The following RIMS1 variants were observed in gnomAD, a reference collection of about 807,000 sequenced individuals.
RIMS1 encodes the protein regulating synaptic membrane exocytosis protein 1.
In RIMS1, 83 loss-of-function variants were observed where a neutral mutation model predicts 214.1. That is an observed-to-expected ratio of 0.39 (90% CI 0.32 to 0.47). The LOEUF is 0.47. RIMS1 is among the 20% of genes least tolerant of loss of function. The pLI is 0.99. For missense variants in RIMS1, 2,050 were observed against 2,161.8 expected (o/e 0.95, Z 1.03); for synonymous variants, 793 against 786.8 (o/e 1.01, Z -0.13).
intron 6 of RIMS1, among the ~76,000 whole-genome samples, chr6:72,190,535 C>T (rs1000106319): frequency 2.7e-5 from 4 of 150,878 alleles, no homozygotes; most frequent in African/African-American, 7.3e-5. Flanking sequence ...TGGAGCTGTC[C>T]GCCTTCATTT....
intron 4 of RIMS1, among the ~76,000 whole-genome samples, chr6:72,139,120 G>A (rs2041768303): frequency 6.6e-6 from 1 of 152,106 alleles, no homozygotes; most frequent in Non-Finnish European, 1.5e-5. Context: ...GTGTCTGTGT[G>A]TGTGTGTATG....
rs1346786039 is a variant in RIMS1, at chr6:72,159,174, C to T, written c.472-20401C>T. 4.3e-5 allele frequency among the ~76,000 whole-genome samples: 6 copies of T among 141,036 alleles called. 1 individual carries two copies. The highest frequency in any genetic ancestry group is 9.7e-5 in the Non-Finnish European group (6 of 61,990). 92.5% of individuals were successfully genotyped at this position (141,036 alleles called of 152,430 possible). A position where few individuals can be genotyped will look rare whatever the true frequency, so the allele number is the denominator to read the frequency against. ...TGATGTTGAGCATTTTTTCATGTGTCTTTTGGCTGCATAAATGTCTTCTTT... is the reference window on the plus strand; with the variant it reads ...TGATGTTGAGCATTTTTTCATGTGTTTTTTGGCTGCATAAATGTCTTCTTT... On this transcript the variant is annotated intron_variant, in intron 4 of 33. Coordinates refer to ENST00000521978, the MANE Select transcript of RIMS1 (RefSeq NM_014989.7).
Position 72,275,214 on chromosome 6 carries a change from C to T in RIMS1, c.3482+782C>T, listed in dbSNP as rs563633009. Among the ~76,000 whole-genome samples, 34 of 139,556 alleles carry T rather than the reference C, an allele frequency of 2.4e-4. 1 individual carries two copies. The highest frequency in any genetic ancestry group is 6.7e-4 in the African/African-American group (25 of 37,496). 91.6% of individuals were successfully genotyped at this position (139,556 alleles called of 152,430 possible). On this transcript the variant is annotated intron_variant, in intron 23 of 33. Transcript: ENST00000521978. ...CTTTAAATGTGTTTTCCTGACTGGT[C>T]ACAAAGGTTTTTGGGTGTTTGAGAT...
intron 1 of RIMS1, among the ~76,000 whole-genome samples, chr6:71,955,171 C>T (rs972706979): frequency 7.9e-5 from 12 of 151,578 alleles, no homozygotes; most frequent in Non-Finnish European, 1.5e-4. Flanking sequence ...ATTCTATGGA[C>T]ATTTTTTTTT....
At chr6:72,384,870 T>G (rs2098557246) in intron 29 of RIMS1, among the ~76,000 whole-genome samples, 1 of 152,208 alleles carries the variant, frequency 6.6e-6, no homozygotes, top group African/African-American at 2.4e-5. Context: ...TCTTGGTGAT[T>G]AATGAGTATT....
chr6:72,130,102 A>T (rs2040210788), intron 4 of RIMS1, among the ~76,000 whole-genome samples: 1 of 152,082 alleles, frequency 6.6e-6, no homozygotes. Flanking sequence ...CTGGAAAAAT[A>T]TATTTATTTA....
chr6:71,927,039 A>G (rs898154142), intron 1 of RIMS1, among the ~76,000 whole-genome samples: 2 of 152,158 alleles, frequency 1.3e-5, no homozygotes, highest in African/African-American at 4.8e-5. Flanking sequence ...ATTCCAAAGT[A>G]CTGCCATTCC....
At chr6:72,125,615 G>T (rs1229684797) in intron 4 of RIMS1, among the ~76,000 whole-genome samples, 2 of 152,204 alleles carry the variant, frequency 1.3e-5, no homozygotes, top group Non-Finnish European at 2.9e-5. Context: ...ATGCAGGCAG[G>T]CCTCACTGAG....
At chr6:71,948,018 A>G (rs909393257) in intron 1 of RIMS1, among the ~76,000 whole-genome samples, 1 of 152,168 alleles carries the variant, frequency 6.6e-6, no homozygotes, top group African/African-American at 2.4e-5. Context: ...ATTATAGGTG[A>G]ATATATTCAA....
At chr6:72,316,096 CAAAA>C (rs564207702) in intron 28 of RIMS1, among the ~76,000 whole-genome samples, 9 of 150,456 alleles carry the variant, frequency 6.0e-5, no homozygotes, top group Non-Finnish European at 1.0e-4. Context: ...ACAAACAAAA[CAAAA>C]AAAAACATTG....
At chr6:72,207,224 A>G (rs992676637) in intron 6 of RIMS1, among the ~76,000 whole-genome samples, 1 of 152,178 alleles carries the variant, frequency 6.6e-6, no homozygotes, top group Non-Finnish European at 1.5e-5. Flanking sequence ...TTTAATTCCT[A>G]ATAGATTTTC....
chr6:71,926,270 T>C (rs1308293822), intron 1 of RIMS1, among the ~76,000 whole-genome samples: 1 of 152,214 alleles, frequency 6.6e-6, no homozygotes, highest in Non-Finnish European at 1.5e-5. Context: ...GATTCTATTA[T>C]ATGTTTAATC....
intron 1 of RIMS1, among the ~76,000 whole-genome samples, chr6:71,890,570 TAAAAAAA>T (rs3076604): frequency 5.9e-4 from 48 of 81,514 alleles, no homozygotes; most frequent in African/African-American, 2.1e-3. Context: ...CTCCTTTTTG[TAAAAAAA>T]AAAAAAAAAA....
intron 6 of RIMS1, among the ~76,000 whole-genome samples, chr6:72,209,228 T>C (rs928215965): frequency 1.4e-4 from 22 of 152,226 alleles, no homozygotes; most frequent in Non-Finnish European, 3.1e-4. Context: ...CGTCAAATAC[T>C]TTGAATCTTT....
intron 2 of RIMS1, among the ~76,000 whole-genome samples, chr6:72,076,107 T>C (rs1163740893): frequency 6.6e-6 from 1 of 152,242 alleles, no homozygotes; most frequent in East Asian, 1.9e-4. Flanking sequence ...CATTATGACT[T>C]GAGAGGATTT....
At chr6:72,345,950 C>T (rs536409714) in intron 29 of RIMS1, among the ~76,000 whole-genome samples, 1 of 151,760 alleles carries the variant, frequency 6.6e-6, no homozygotes, top group East Asian at 1.9e-4. Context: ...ATTTGAGGAT[C>T]AACAACATAG....
At chr6:71,934,742 G>A (rs770918037) in intron 1 of RIMS1, among the ~76,000 whole-genome samples, 17 of 152,112 alleles carry the variant, frequency 1.1e-4, no homozygotes, top group Non-Finnish European at 2.4e-4. Flanking sequence ...AGTCTCCTAG[G>A]AATAACTCTC....
chr6:72,214,095 T>C (rs1241050574), intron 6 of RIMS1, among the ~76,000 whole-genome samples: 1 of 152,192 alleles, frequency 6.6e-6, no homozygotes, highest in Non-Finnish European at 1.5e-5. Flanking sequence ...GCATGAAAGC[T>C]CATAGTATGT....
Position 71,886,551 on chromosome 6 carries a change from A to G in RIMS1, c.-473A>G, listed in dbSNP as rs1223708317. On this transcript the variant is annotated 5_prime_UTR_variant, in exon 1 of 34. Coordinates refer to ENST00000521978, the MANE Select transcript of RIMS1 (RefSeq NM_014989.7). The stretch of plus-strand genomic sequence containing the variant: ...TCTCCCTCTCCCTCCCGCAGCCCCA[A>G]ATTGGAGGCAGCAGAGCCTGGGAGC... 2.0e-5 allele frequency among the ~76,000 whole-genome samples: 3 copies of G among 151,972 alleles called. No homozygotes were observed. The highest frequency in any genetic ancestry group is 2.9e-5 in the Non-Finnish European group (2 of 67,828).
Sources: allele counts gnomAD v4.1 joint callset (sites outside exome capture counted in the v4.1 genomes callset), GRCh38; gene constraint gnomAD v4.1.1; transcripts MANE v1.5; gene names NCBI Gene and HGNC (gene_info 2026-07-23, HGNC 2026-07-21).